SNRPN: variants seen among roughly 807,000 people sequenced by gnomAD.
SNRPN encodes the protein small nuclear ribonucleoprotein-associated protein N.
SNRPN carries 7 observed loss-of-function variants against 25.2 expected under a neutral mutation model. The ratio of observed to expected loss-of-function variants is 0.28; its 90% CI spans 0.16 to 0.52. The LOEUF is 0.52. SNRPN is among the 20% of genes least tolerant of loss of function. SNRPN has a pLI of 0.96. For synonymous variants in SNRPN, 124 were observed against 110.6 expected (o/e 1.12, Z -0.76); for missense variants, 196 against 322.5 (o/e 0.61, Z 3.00).
At chr15:24,887,064 T>G (rs2057261030) in intron 2 of SNRPN, among the ~76,000 whole-genome samples, 2 of 152,072 alleles carry the variant, frequency 1.3e-5, no homozygotes, top group African/African-American at 4.8e-5. Flanking sequence ...TAAATGTCCT[T>G]TCTCCATCTT....
intron 1 of SNRPN, among the ~76,000 whole-genome samples, chr15:24,956,702 G>C (rs74624359): frequency 0.018 from 2,731 of 152,308 alleles, 75 homozygotes; most frequent in African/African-American, 0.062. Flanking sequence ...CGCAGTAGAG[G>C]GGGGAGGAGG....
chr15:24,956,351 C>CGG (rs2062872746), intron 1 of SNRPN, among the ~76,000 whole-genome samples: 1 of 81,036 alleles, frequency 1.2e-5, no homozygotes, highest in Non-Finnish European at 2.8e-5. Flanking sequence ...GCAAGCGCTT[C>CGG]AGCGGGGGGG....
At chr15:24,947,493 G>A (rs1232759875) in intron 3 of SNRPN, among the ~76,000 whole-genome samples, 2 of 152,174 alleles carry the variant, frequency 1.3e-5, no homozygotes, top group Non-Finnish European at 2.9e-5. Context: ...GCTGGGCATG[G>A]TGACATGCAC....
Position 24,972,284 on chromosome 15 carries a change from T to C in SNRPN, c.-143-2027T>C, listed in dbSNP as rs530550919. Among the ~76,000 whole-genome samples, 3 of 150,448 alleles carry C rather than the reference T, an allele frequency of 2.0e-5. No homozygotes were observed. The East Asian group carries it at 5.9e-4, about 30-fold the overall frequency. On this transcript the variant is annotated intron_variant, in intron 3 of 9. Coordinates refer to ENST00000390687, the MANE Select transcript of SNRPN (RefSeq NM_003097.6). ...AAAAAAAAAAAAAGGATATTGCTAA[T>C]GAGTCTCATATACCATGTTTTCTTG...
chr15:24,951,471 T>TA (rs908829758), upstream of SNRPN, among the ~76,000 whole-genome samples: 17 of 150,518 alleles, frequency 1.1e-4, no homozygotes, highest in East Asian at 7.8e-4. Context: ...CTTTGCCCAT[T>TA]AAAAAAAAAT....
At chr15:24,828,501 C>T (rs1055632027) in intron 1 of SNRPN, among the ~76,000 whole-genome samples, 1 of 151,972 alleles carries the variant, frequency 6.6e-6, no homozygotes, top group South Asian at 2.1e-4. Flanking sequence ...GAGCTGAGAT[C>T]GCGCCACTGC....
In SNRPN at chr15:24,881,526, C is replaced by CATCGA. The variant is rs1555388028; in HGVS notation, c.-578-4990_-578-4989insATCGA. On this transcript the variant is annotated intron_variant, in intron 1 of 11. Transcript: ENST00000400097. ...AGCCTGGGCAACAAGAGCGAAACTCCGAGAGAGAGAGAGAGAGAGAGAGAG... is the reference window on the plus strand; with the variant it reads ...AGCCTGGGCAACAAGAGCGAAACTCCATCGAGAGAGAGAGAGAGAGAGAGAGAGAG... Among the ~76,000 whole-genome samples the CATCGA allele has an allele frequency of 2.2e-4, 16 of 72,504 alleles. 2 individuals carry two copies. Among genetic ancestry groups the CATCGA allele is most frequent in the African/African-American group, 4.2e-4 (8 of 18,978 alleles). The allele number at this position is 72,504 out of a possible 152,430, so 47.6% of individuals were successfully genotyped here.
intron 7 of SNRPN, among the ~76,000 whole-genome samples, chr15:24,977,402 G>T (rs1051958988): frequency 1.8e-4 from 28 of 152,264 alleles, no homozygotes; most frequent in Admixed American, 9.1e-4. Flanking sequence ...ACTTTGGGAG[G>T]CCGAGGTGGG....
At chr15:24,971,713 A>T (rs1226191632) in intron 3 of SNRPN, among the ~76,000 whole-genome samples, 1 of 152,182 alleles carries the variant, frequency 6.6e-6, no homozygotes, top group Admixed American at 6.6e-5. Flanking sequence ...TCACAAAAAA[A>T]TTCCAACCTC....
rs1242950523 is a variant in SNRPN at position 24,918,482 on chromosome 15, CATAAT to C, written c.-504-1525_-504-1521del. ...ATAATATATATGTGTATATATATAA[CATAAT>C]ATATATGTGTGTATATATAACATAA... On this transcript the variant is annotated intron_variant, in intron 2 of 11. Transcript: ENST00000400097. Among the ~76,000 whole-genome samples, 1,104 of 116,750 alleles carry C rather than the reference CATAAT, an allele frequency of 9.5e-3. 11 individuals are homozygous for C. Among genetic ancestry groups the C allele is most frequent in the Non-Finnish European group, 0.014 (820 of 56,572 alleles). The allele number at this position is 116,750 out of a possible 152,430, so 76.6% of individuals were successfully genotyped here. A position where few individuals can be genotyped will look rare whatever the true frequency, so the allele number is the denominator to read the frequency against.
At chr15:24,899,423 T>A (rs2058303148) in intron 2 of SNRPN, among the ~76,000 whole-genome samples, 1 of 152,194 alleles carries the variant, frequency 6.6e-6, no homozygotes, top group African/African-American at 2.4e-5. Flanking sequence ...AATAGTAAGT[T>A]TTTTCAGTAA....
intron 3 of SNRPN, among the ~76,000 whole-genome samples, chr15:24,941,603 G>A (rs2061560805): frequency 1.3e-5 from 2 of 152,098 alleles, no homozygotes; most frequent in South Asian, 4.1e-4. Flanking sequence ...TACCCTAAGG[G>A]ATCCCTTGTA....
chr15:24,971,900 A>G (rs1055888073), intron 3 of SNRPN, among the ~76,000 whole-genome samples: 1 of 152,196 alleles, frequency 6.6e-6, no homozygotes, highest in African/African-American at 2.4e-5. Context: ...GCTCATTCAC[A>G]GTCATGATCC....
At chr15:24,951,717 A>G (rs1041801778), upstream of SNRPN, among the ~76,000 whole-genome samples, 1 of 152,114 alleles carries the variant, frequency 6.6e-6, no homozygotes, top group Non-Finnish European at 1.5e-5. Flanking sequence ...CACGTTGGCC[A>G]GAATAGTCTC....
At chr15:24,834,745 C>A (rs1170597080) in intron 2 of SNRPN, among the ~76,000 whole-genome samples, 4 of 77,012 alleles carry the variant, frequency 5.2e-5, no homozygotes, top group Non-Finnish European at 9.8e-5. Flanking sequence ...CTCTCTCTCT[C>A]TCTCTCTATA....
intron 2 of SNRPN, among the ~76,000 whole-genome samples, chr15:24,843,313 A>T (rs748131419): frequency 1.1e-4 from 16 of 152,234 alleles, no homozygotes; most frequent in Non-Finnish European, 1.6e-4. Flanking sequence ...ATCTTGGGAA[A>T]ATAGATCTTA....
At chr15:24,967,123 A>C (rs2075755036) in intron 2 of SNRPN, 2 of 152,128 alleles carry the variant, frequency 1.3e-5, no homozygotes, top group Non-Finnish European at 2.9e-5. Context: ...CCCTGGGGAG[A>C]AAGGATTGTT....
At chr15:24,921,882 C>T (rs2152563987) in intron 3 of SNRPN, among the ~76,000 whole-genome samples, 1 of 152,056 alleles carries the variant, frequency 6.6e-6, no homozygotes, top group South Asian at 2.1e-4. Flanking sequence ...CCATTTCCAC[C>T]TGTTATATGT....
chr15:24,934,153 C>T (rs1459669839), intron 3 of SNRPN, among the ~76,000 whole-genome samples: 4 of 151,902 alleles, frequency 2.6e-5, no homozygotes, highest in Non-Finnish European at 2.9e-5. Context: ...CAAAAATTAG[C>T]TGGGTGTGGT....
Sources: gnomAD v4.1 joint callset for allele counts (sites outside exome capture counted in the v4.1 genomes callset) on GRCh38, gnomAD v4.1.1 for gene constraint, MANE v1.5 for transcripts, NCBI Gene and HGNC (gene_info 2026-07-23, HGNC 2026-07-21) for gene names.